The following ARHGAP26 variants were observed in gnomAD, a reference collection of about 807,000 sequenced individuals.
ARHGAP26 encodes the protein rho GTPase-activating protein 26.
Under a neutral mutation model 104.8 loss-of-function variants are expected in ARHGAP26, and 38 were observed. The observed-to-expected ratio is 0.36, with a 90% CI of 0.28 to 0.48. The LOEUF (loss-of-function observed/expected upper bound fraction) is 0.48. Ranked by LOEUF, ARHGAP26 falls within the 20% of genes least tolerant of loss-of-function variation. The pLI is 0.99. For synonymous variants in ARHGAP26, 341 were observed against 340.0 expected (o/e 1.00, Z -0.03); for missense variants, 704 against 947.9 (o/e 0.74, Z 3.38).
At position 142,808,236 on chromosome 5, in the gene ARHGAP26, G is replaced by GAA. The variant is rs58550799; in HGVS notation, c.154+37360_154+37361dup. ...GGCAACAGAGTGAGACATTGTCTCG[G>GAA]AAAAAAAAAAAAAAAAAAAAAAAAA... On this transcript the variant is annotated intron_variant, in intron 1 of 22. Coordinates refer to ENST00000645722, the MANE Select transcript of ARHGAP26 (RefSeq NM_001135608.3). Among the ~76,000 whole-genome samples, 5 of 32,694 alleles carry GAA rather than the reference G, an allele frequency of 1.5e-4. 1 individual carries two copies. The highest frequency in any genetic ancestry group is 4.2e-4 in the African/African-American group (5 of 11,920). 21.4% of individuals were successfully genotyped at this position (32,694 alleles called of 152,430 possible).
intron 1 of ARHGAP26, among the ~76,000 whole-genome samples, chr5:142,815,530 GT>G (rs1764936665): frequency 6.6e-6 from 1 of 152,190 alleles, no homozygotes; most frequent in Non-Finnish European, 1.5e-5. Flanking sequence ...GGTTAAAAAA[GT>G]TTGCTAAGTG....
intron 11 of ARHGAP26, among the ~76,000 whole-genome samples, chr5:142,963,223 C>CGT (rs1171707902): frequency 1.2e-4 from 8 of 66,994 alleles, no homozygotes; most frequent in Non-Finnish European, 1.1e-4. Flanking sequence ...TGTGTGTGCG[C>CGT]GTGTGTGTGT....
intron 12 of ARHGAP26, among the ~76,000 whole-genome samples, chr5:143,036,832 C>T (rs1782714188): frequency 1.3e-5 from 2 of 152,184 alleles, no homozygotes; most frequent in African/African-American, 4.8e-5. Context: ...TTGAAGGAGA[C>T]CGCAATTAGT....
chr5:142,796,641 A>G (rs388940), intron 1 of ARHGAP26, among the ~76,000 whole-genome samples: 18,941 of 152,266 alleles, frequency 0.12, 1,402 homozygotes, highest in East Asian at 0.24. Context: ...TTTAGGATAA[A>G]GTTCAGACGT....
chr5:143,180,332 G>C (rs1289056293), intron 20 of ARHGAP26, among the ~76,000 whole-genome samples: 1 of 152,032 alleles, frequency 6.6e-6, no homozygotes, highest in Non-Finnish European at 1.5e-5. Flanking sequence ...CACCATGTTG[G>C]CCAGGATGGT....
chr5:143,062,749 A>C (rs1786912630), intron 17 of ARHGAP26, among the ~76,000 whole-genome samples: 1 of 152,302 alleles, frequency 6.6e-6, no homozygotes, highest in African/African-American at 2.4e-5. Context: ...GAAGGGTTCA[A>C]AATAAAAGAA....
chr5:142,938,658 T>C (rs1765803611), intron 11 of ARHGAP26, among the ~76,000 whole-genome samples: 1 of 152,238 alleles, frequency 6.6e-6, no homozygotes, highest in African/African-American at 2.4e-5. Context: ...GTATTTAATA[T>C]CCATCTGCTA....
At chr5:142,902,129 G>A (rs1760442352) in intron 7 of ARHGAP26, 90 bp downstream of exon 7, 2 of 1,153,658 alleles carry the variant, frequency 1.7e-6, no homozygotes, top group Admixed American at 4.2e-5. Context: ...CAGGTGGCTT[G>A]GAATGTAGGT....
chr5:143,105,461 G>C (rs1274808770), intron 17 of ARHGAP26, among the ~76,000 whole-genome samples: 1 of 151,790 alleles, frequency 6.6e-6, no homozygotes, highest in African/African-American at 2.4e-5. Context: ...ACTGACATTA[G>C]CTAATGTCAT....
intron 20 of ARHGAP26, among the ~76,000 whole-genome samples, chr5:143,155,940 C>G (rs258810): frequency 6.6e-6 from 1 of 152,168 alleles, no homozygotes; most frequent in African/African-American, 2.4e-5. Flanking sequence ...TAGCTGCCCT[C>G]AAATGCCTTA....
Position 142,786,147 on chromosome 5 carries a change from A to AT in ARHGAP26, c.154+15247dup, listed in dbSNP as rs35617606. Among the ~76,000 whole-genome samples the AT allele has an allele frequency of 8.7e-3, 1,212 of 138,756 alleles. 6 individuals are homozygous for AT. The highest frequency in any genetic ancestry group is 0.017 in the African/African-American group (644 of 37,856). The allele number at this position is 138,756 out of a possible 152,430, so 91.0% of individuals were successfully genotyped here. On this transcript the variant is annotated intron_variant, in intron 1 of 22. Coordinates refer to ENST00000645722, the MANE Select transcript of ARHGAP26 (RefSeq NM_001135608.3). The stretch of plus-strand genomic sequence containing the variant: ...CACTATGCCTGGCTAATTAAAAAAC[A>AT]TTTTTTTTTTTTTTTGTAGCGATGG...
At chr5:142,972,245 AG>A (rs1772405009) in intron 11 of ARHGAP26, among the ~76,000 whole-genome samples, 1 of 151,512 alleles carries the variant, frequency 6.6e-6, no homozygotes, top group East Asian at 1.9e-4. Flanking sequence ...AGAAGCAGTG[AG>A]GGGTGACTGC....
At chr5:142,954,873 G>A (rs1768963556) in intron 11 of ARHGAP26, among the ~76,000 whole-genome samples, 1 of 152,112 alleles carries the variant, frequency 6.6e-6, no homozygotes, top group South Asian at 2.1e-4. Context: ...TTGGTGTAGG[G>A]CCAGTTCCTG....
chr5:143,080,353 A>T (rs1440341330), intron 17 of ARHGAP26, among the ~76,000 whole-genome samples: 2 of 152,178 alleles, frequency 1.3e-5, no homozygotes, highest in Admixed American at 6.5e-5. Flanking sequence ...ATAGAAGTAT[A>T]GACTAAATCC....
intron 11 of ARHGAP26, among the ~76,000 whole-genome samples, chr5:143,000,660 A>G (rs574145415): frequency 6.6e-5 from 10 of 152,366 alleles, no homozygotes; most frequent in African/African-American, 2.4e-4. Flanking sequence ...GGATAAAGAA[A>G]ATGGGGCACA....
intron 21 of ARHGAP26, among the ~76,000 whole-genome samples, chr5:143,212,626 C>A (rs1334145302): frequency 1.3e-5 from 2 of 152,208 alleles, no homozygotes; most frequent in Non-Finnish European, 2.9e-5. Flanking sequence ...GCCATCATCT[C>A]TTGGCTCCTA....
chr5:143,014,283 C>A, intron 12 of ARHGAP26, 167 bp downstream of exon 12: 1 of 693,458 alleles, frequency 1.4e-6, no homozygotes, highest in Non-Finnish European at 2.5e-6. Flanking sequence ...GCCAGTGACT[C>A]CAGAGGGACG....
chr5:142,794,375 G>A lies in ARHGAP26; in HGVS notation c.154+23460G>A, dbSNP rs181031196. Among the ~76,000 whole-genome samples the A allele has an allele frequency of 1.1e-3, 173 of 152,322 alleles. 2 individuals carry two copies. In the South Asian group the frequency reaches 0.015, roughly 13 times the overall value. On this transcript the variant is annotated intron_variant, in intron 1 of 22. Transcript: ENST00000645722. ...ATACTGGGGTGCTATAAATACAGAA[G>A]GAGGGGGGACAGAGGCCAAGGCAAC...
chr5:143,093,750 T>C (rs778534472), intron 17 of ARHGAP26, among the ~76,000 whole-genome samples: 1 of 152,020 alleles, frequency 6.6e-6, no homozygotes, highest in Non-Finnish European at 1.5e-5. Context: ...TCCTTCCCCT[T>C]CCCCTAGGGG....
Sources: allele counts gnomAD v4.1 joint callset (sites outside exome capture counted in the v4.1 genomes callset), GRCh38; gene constraint gnomAD v4.1.1; transcripts MANE v1.5; gene names NCBI Gene and HGNC (gene_info 2026-07-23, HGNC 2026-07-21).